The following PCDHGA4 variants were observed in gnomAD, a reference collection of about 807,000 sequenced individuals.
The protein encoded by PCDHGA4 is protocadherin gamma subfamily A, 4, also known as protocadherin gamma-A4.
Under a neutral mutation model 54.6 loss-of-function variants are expected in PCDHGA4, and 38 were observed. That is an observed-to-expected ratio of 0.70 (90% CI 0.54 to 0.91). The LOEUF (loss-of-function observed/expected upper bound fraction) is 0.91, where lower values mean the gene tolerates loss of function less well. Ranked by LOEUF, PCDHGA4 falls within the 40% of genes least tolerant of loss-of-function variation. The pLI is 0.00. For missense variants in PCDHGA4, 1,298 were observed against 1,220.9 expected, an observed-to-expected ratio of 1.06 and a Z score of -0.94; for synonymous variants, 511 against 512.9, an observed-to-expected ratio of 1.00 and a Z score of 0.05.
At position 141,485,321 on chromosome 5, in the gene PCDHGA4, C is replaced by G. The variant is rs780179631; in HGVS notation, c.2515-9486C>G. The G allele has an allele frequency of 6.2e-7, 1 of 1,614,154 alleles. No homozygotes were observed. Among genetic ancestry groups the G allele is most frequent in the Non-Finnish European group, 8.5e-7 (1 of 1,180,024 alleles). On this transcript the variant is annotated intron_variant, in intron 1 of 3. Transcript: ENST00000571252. This position sits in a 1 kb window ranked among gnomAD's most constrained non-coding sequence, Gnocchi z 5.7. The stretch of plus-strand genomic sequence containing the variant: ...AGGGACTTTTGTAGGGAATGTCGCT[C>G]AAGATTTCCTGCTGGATACGGACAG...
At chr5:141,362,101 G>A in intron 1 of PCDHGA4, 1 of 1,613,846 alleles carries the variant, frequency 6.2e-7, no homozygotes, top group East Asian at 2.2e-5. Flanking sequence ...GCCACTCTCC[G>A]CTACGGCCAC....
Position 141,477,203 on chromosome 5 carries a change from G to T in PCDHGA4, c.2515-17604G>T. On this transcript the variant is annotated intron_variant, in intron 1 of 3. Coordinates refer to ENST00000571252, the MANE Select transcript of PCDHGA4 (RefSeq NM_018917.4). The surrounding 1 kb of genome is among the most constrained non-coding windows in gnomAD (Gnocchi z 4.9). ...CACCTCCGTGTACAGCCCAGTACCC[G>T]AGGATGCCCCTCTGGGGACTGTCAT... 1 of 1,614,176 alleles carries T rather than the reference G, an allele frequency of 6.2e-7. No individual in the cohort carries two copies. The highest frequency in any genetic ancestry group is 1.1e-5 in the South Asian group (1 of 91,082).
Position 141,459,075 on chromosome 5 carries a change from G to C in PCDHGA4, c.2515-35732G>C, listed in dbSNP as rs562572838. ...GTATAATTTATATAACATAAAATTT[G>C]CCTTTTAAAATTATACAGTGCAATG... On this transcript the variant is annotated intron_variant, in intron 1 of 3. Transcript: ENST00000571252. 4.6e-5 allele frequency among the ~76,000 whole-genome samples: 7 copies of C among 152,252 alleles called. No individual in the cohort carries two copies. The East Asian group carries it at 1.4e-3, about 29-fold the overall frequency.
intron 1 of PCDHGA4, chr5:141,405,534 C>T: frequency 3.1e-6 from 2 of 648,486 alleles, no homozygotes; most frequent in Non-Finnish European, 5.3e-6. Flanking sequence ...ATTCTCCTGC[C>T]TCAGCCTCCC....
rs759390436 is a variant in PCDHGA4, at chr5:141,355,887, C to T, written c.780C>T (p.Leu260=). 6.2e-7 allele frequency: 1 copy of T among 1,613,492 alleles called. No homozygotes were observed. Among genetic ancestry groups the T allele is most frequent in the Non-Finnish European group, 8.5e-7 (1 of 1,179,720 alleles). Residue 260 remains leucine (L), a synonymous_variant, in exon 1 of 4, where the codon CTC becomes CTT. Transcript: ENST00000571252. ...DPVRSGTARI[L]IILVDTNDNA... is the part of the protein sequence containing the mutation. ...TTCGCTCTGGCACTGCCAGGATTCT[C>T]ATAATACTTGTGGATACCAACGATA...
At chr5:141,468,382 G>T (rs1247387630) in intron 1 of PCDHGA4, 1 of 151,194 alleles carries the variant, frequency 6.6e-6, no homozygotes, top group Non-Finnish European at 1.5e-5. Context: ...GCCATACAAG[G>T]CTACCCATTT....
At chr5:141,459,703 T>G (rs2098973426) in intron 1 of PCDHGA4, among the ~76,000 whole-genome samples, 1 of 152,226 alleles carries the variant, frequency 6.6e-6, no homozygotes, top group African/African-American at 2.4e-5. Context: ...CTTGCTACAT[T>G]TTCTCACCAA....
In PCDHGA4 at chr5:141,486,049, C is replaced by T. The variant is rs766853468; in HGVS notation, c.2515-8758C>T. 1 of 1,614,206 alleles carries T rather than the reference C, an allele frequency of 6.2e-7. No homozygotes were observed. The highest frequency in any genetic ancestry group is 8.5e-7 in the Non-Finnish European group (1 of 1,180,034). ...ATACCCCTGATCGTGTAAGAAACCT[C>T]TTTAGCCTGCACCCCACTACTGGAA... On this transcript the variant is annotated intron_variant, in intron 1 of 3. Transcript: ENST00000571252. The surrounding 1 kb of genome is among the most constrained non-coding windows in gnomAD (Gnocchi z 5.0).
chr5:141,456,463 G>A (rs1195450847), intron 1 of PCDHGA4, among the ~76,000 whole-genome samples: 1 of 152,122 alleles, frequency 6.6e-6, no homozygotes, highest in Non-Finnish European at 1.5e-5. Context: ...ATCAATACAA[G>A]ACATATAAGC....
At chr5:141,398,643 C>T (rs746159571) in intron 1 of PCDHGA4, 1 of 1,614,024 alleles carries the variant, frequency 6.2e-7, no homozygotes, top group Admixed American at 1.7e-5. Context: ...AGTATAAACT[C>T]TCTCTTAACC....
intron 1 of PCDHGA4, chr5:141,384,711 G>A (rs765373675): frequency 2.5e-6 from 4 of 1,614,042 alleles, no homozygotes; most frequent in East Asian, 2.2e-5. Flanking sequence ...ACGCCTGGCT[G>A]TCATACCTCC....
intron 1 of PCDHGA4, among the ~76,000 whole-genome samples, chr5:141,442,717 C>T (rs918238654): frequency 1.3e-5 from 2 of 152,166 alleles, no homozygotes; most frequent in African/African-American, 2.4e-5. Flanking sequence ...CATGCCAGAG[C>T]ATTTGGGGCC....
intron 1 of PCDHGA4, among the ~76,000 whole-genome samples, chr5:141,437,721 A>G (rs2097904045): frequency 6.6e-6 from 1 of 151,664 alleles, no homozygotes; most frequent in African/African-American, 2.4e-5. Flanking sequence ...TTACCCTCTA[A>G]TGTTACACTT....
chr5:141,477,438 C>G lies in PCDHGA4; in HGVS notation c.2515-17369C>G. 6.2e-7 allele frequency: 1 copy of G among 1,614,174 alleles called. No homozygotes were observed. Among genetic ancestry groups the G allele is most frequent in the Non-Finnish European group, 8.5e-7 (1 of 1,180,030 alleles). On this transcript the variant is annotated intron_variant, in intron 1 of 3. Coordinates refer to ENST00000571252, the MANE Select transcript of PCDHGA4 (RefSeq NM_018917.4). The surrounding 1 kb of genome is among the most constrained non-coding windows in gnomAD (Gnocchi z 4.9). ...GGAACCCCTTCCCTCTCAGCCCTTACAATAGTGCGTGTTCAAGTGTCCGAC... is the reference window on the plus strand; with the variant it reads ...GGAACCCCTTCCCTCTCAGCCCTTAGAATAGTGCGTGTTCAAGTGTCCGAC...
intron 1 of PCDHGA4, chr5:141,366,651 A>C (rs767855798): frequency 3.1e-6 from 5 of 1,614,244 alleles, no homozygotes; most frequent in Non-Finnish European, 3.4e-6. Context: ...CCCCAGCCCA[A>C]CTACGCAGAC....
At chr5:141,406,682 ATTC>A (rs1390945950) in intron 1 of PCDHGA4, among the ~76,000 whole-genome samples, 1 of 152,216 alleles carries the variant, frequency 6.6e-6, no homozygotes, top group Non-Finnish European at 1.5e-5. Flanking sequence ...ATAGTAGGAC[ATTC>A]TTCTTTTCTA....
At chr5:141,407,625 T>C (rs1354209573) in intron 1 of PCDHGA4, among the ~76,000 whole-genome samples, 2 of 152,220 alleles carry the variant, frequency 1.3e-5, no homozygotes, top group African/African-American at 4.8e-5. Context: ...ACATTCTATA[T>C]CTCGTATTAC....
intron 1 of PCDHGA4, chr5:141,419,893 TCCC>T (rs571839457): frequency 5.0e-5 from 81 of 1,613,960 alleles, no homozygotes; most frequent in Non-Finnish European, 6.5e-5. Context: ...TCAGCGACCA[TCCC>T]ACACCCTCTG....
intron 1 of PCDHGA4, chr5:141,393,536 T>G: frequency 6.2e-7 from 1 of 1,613,934 alleles, no homozygotes; most frequent in South Asian, 1.1e-5. Flanking sequence ...ATGCCCCGGT[T>G]TTTCCTCACC....
Sources: gnomAD v4.1 joint callset for allele counts (sites outside exome capture counted in the v4.1 genomes callset) on GRCh38, gnomAD v4.1.1 for gene constraint, Gnocchi (gnomAD v3.1) non-coding constraint, MANE v1.5 for transcripts, NCBI Gene and HGNC (gene_info 2026-07-23, HGNC 2026-07-21) for gene names.